The following FILIP1L variants were observed in gnomAD, a reference collection of about 807,000 sequenced individuals.
FILIP1L encodes the protein filamin A-interacting protein 1-like.
A neutral mutation model predicts 96.6 loss-of-function variants in FILIP1L; 55 were observed. The ratio of observed to expected loss-of-function variants is 0.57; its 90% CI spans 0.46 to 0.71. The LOEUF is 0.71. Ranked by LOEUF, FILIP1L falls within the 30% of genes least tolerant of loss-of-function variation. The pLI is 0.00. For missense variants in FILIP1L, 1,304 were observed against 1,321.2 expected, an observed-to-expected ratio of 0.99 and a Z score of 0.20; for synonymous variants, 467 against 473.9, an observed-to-expected ratio of 0.99 and a Z score of 0.19.
intron 1 of FILIP1L, among the ~76,000 whole-genome samples, chr3:100,073,609 A>C (rs2065797783): frequency 6.6e-6 from 1 of 152,190 alleles, no homozygotes; most frequent in East Asian, 1.9e-4. Flanking sequence ...TTCATTTAGC[A>C]CATTTTGTTA....
chr3:100,098,086 T>C (rs1468927443), intron 1 of FILIP1L, among the ~76,000 whole-genome samples: 1 of 152,204 alleles, frequency 6.6e-6, no homozygotes, highest in African/African-American at 2.4e-5. Context: ...AGGGACTACT[T>C]TGACTCTTGG....
chr3:100,037,965 AGGG>A (rs75392288), intron 1 of FILIP1L, among the ~76,000 whole-genome samples: 72,254 of 98,898 alleles, frequency 0.73, 26,207 homozygotes, highest in East Asian at 0.82. Context: ...TTGGGGGGGG[AGGG>A]AACAGAGTCT....
In FILIP1L at chr3:99,849,217, C is replaced by T. The variant is rs201546638; in HGVS notation, c.2459G>A (p.Arg820His). The change falls in exon 5 of 6, where the codon CGT (arginine) becomes CAT (histidine). Residue 820 changes from arginine (R) to histidine (H), a missense_variant. By Grantham distance (29) the Arg-to-His change is conservative (BLOSUM62 0). Transcript: ENST00000477258. ...PDYKSLIPLE[R>H]AVINGQLYEE... ...ATATAACTGACCATTGATGACTGCACGTTCCAGAGGAATGAGGCTCTTGTA... is the reference window on the plus strand; with the variant it reads ...ATATAACTGACCATTGATGACTGCATGTTCCAGAGGAATGAGGCTCTTGTA... 1.3e-5 allele frequency: 21 copies of T among 1,613,988 alleles called. No homozygotes were observed. The highest frequency in any genetic ancestry group is 5.3e-5 in the African/African-American group (4 of 74,914).
At chr3:100,079,420 T>A (rs1051858958) in intron 1 of FILIP1L, among the ~76,000 whole-genome samples, 7 of 152,268 alleles carry the variant, frequency 4.6e-5, no homozygotes, top group Non-Finnish European at 1.0e-4. Context: ...GTACGAATAT[T>A]GCATTTGAAC....
intron 5 of FILIP1L, 26 bp downstream of exon 5, chr3:99,848,269 C>T (rs781184828): frequency 8.1e-5 from 130 of 1,611,128 alleles, no homozygotes; most frequent in Non-Finnish European, 9.8e-5. Context: ...TGAGGGTGAG[C>T]GTGGTCAGTT....
chr3:100,039,528 T>TA (rs1348355528), intron 1 of FILIP1L, among the ~76,000 whole-genome samples: 1 of 152,158 alleles, frequency 6.6e-6, no homozygotes, highest in East Asian at 1.9e-4. Flanking sequence ...TTCAGTCTTA[T>TA]AATATGCGGG....
In FILIP1L at chr3:100,109,912, C is replaced by G. The variant is rs567090151; in HGVS notation, c.-11+4141G>C. 39 of 124,532 alleles carry G rather than the reference C, an allele frequency of 3.1e-4. No individual in the cohort carries two copies. In the East Asian group the frequency reaches 3.4e-3, roughly 11 times the overall value. 7.7% of individuals were successfully genotyped at this position (124,532 alleles called of 1,614,324 possible). On this transcript the variant is annotated intron_variant, in intron 1 of 5. Transcript: ENST00000477258. ...AAATGTTTCTTTTATGACCCCCCCCCCCCAGCACCACCCCCCAGCCAAAGA... is the reference window on the plus strand; with the variant it reads ...AAATGTTTCTTTTATGACCCCCCCCGCCCAGCACCACCCCCCAGCCAAAGA...
At chr3:99,978,877 T>A (rs1419977954) in intron 1 of FILIP1L, among the ~76,000 whole-genome samples, 1 of 151,636 alleles carries the variant, frequency 6.6e-6, no homozygotes, top group Non-Finnish European at 1.5e-5. Flanking sequence ...AGAGCGAGAC[T>A]CTTGTTTACA....
Position 99,992,012 on chromosome 3 carries a change from GTA to G in FILIP1L, c.-10-60984_-10-60983del, listed in dbSNP as rs550439833. On this transcript the variant is annotated intron_variant, in intron 1 of 5. Coordinates refer to ENST00000477258, the MANE Select transcript of FILIP1L (RefSeq NM_001387850.1). ...TATATACGTATATATATGTGTGTGTGTATATATATATATACGTGTATATATAT... is the reference window on the plus strand; with the variant it reads ...TATATACGTATATATATGTGTGTGTGTATATATATATACGTGTATATATAT... Among the ~76,000 whole-genome samples, 119 of 145,494 alleles carry G rather than the reference GTA, an allele frequency of 8.2e-4. 1 individual carries two copies. The highest frequency in any genetic ancestry group is 1.7e-3 in the Admixed American group (25 of 14,544).
rs540669439 is a variant in FILIP1L, at chr3:99,916,993, C to A, written c.605+7237G>T. ...ATTTTCACTTATGAGGCAAAAATTTCTATTTTGATATGGTTTAGTGGCTCT... is the reference window on the plus strand; with the variant it reads ...ATTTTCACTTATGAGGCAAAAATTTATATTTTGATATGGTTTAGTGGCTCT... On this transcript the variant is annotated intron_variant, in intron 4 of 5. Coordinates refer to ENST00000477258, the MANE Select transcript of FILIP1L (RefSeq NM_001387850.1). Among the ~76,000 whole-genome samples the A allele has an allele frequency of 3.3e-5, 5 of 152,282 alleles. No homozygotes were observed. In the East Asian group the frequency reaches 7.7e-4, roughly 23 times the overall value.
intron 1 of FILIP1L, among the ~76,000 whole-genome samples, chr3:100,063,211 C>G (rs887617973): frequency 6.6e-6 from 1 of 152,174 alleles, no homozygotes; most frequent in Non-Finnish European, 1.5e-5. Context: ...CCTAGAACTT[C>G]ACCTCTGGCT....
Position 100,093,595 on chromosome 3 carries a change from G to A in FILIP1L, c.-11+20458C>T, listed in dbSNP as rs142567354. Among the ~76,000 whole-genome samples the A allele has an allele frequency of 3.9e-3, 601 of 152,228 alleles. 3 individuals are homozygous for A. Among genetic ancestry groups the A allele is most frequent in the African/African-American group, 0.013 (558 of 41,544 alleles). ...TCCAATGGTAACATCTTACAGAACTGTAGTGGAATGTCACAACCAGTATAT... is the reference window on the plus strand; with the variant it reads ...TCCAATGGTAACATCTTACAGAACTATAGTGGAATGTCACAACCAGTATAT... On this transcript the variant is annotated intron_variant, in intron 1 of 5. Coordinates refer to ENST00000477258, the MANE Select transcript of FILIP1L (RefSeq NM_001387850.1).
At chr3:99,930,548 G>A (rs768612577) in intron 2 of FILIP1L, among the ~76,000 whole-genome samples, 6 of 152,194 alleles carry the variant, frequency 3.9e-5, no homozygotes, top group Admixed American at 3.3e-4. Flanking sequence ...GACCTTTCAC[G>A]ACCTGTATGC....
At chr3:100,054,711 G>C (rs1224401133) in intron 1 of FILIP1L, among the ~76,000 whole-genome samples, 1 of 152,092 alleles carries the variant, frequency 6.6e-6, no homozygotes, top group Non-Finnish European at 1.5e-5. Context: ...CCTCTGGGCT[G>C]CACTGTCTTT....
chr3:100,068,921 G>T (rs1345413547), intron 1 of FILIP1L, among the ~76,000 whole-genome samples: 1 of 152,184 alleles, frequency 6.6e-6, no homozygotes, highest in Non-Finnish European at 1.5e-5. Context: ...AGAAAGTTCA[G>T]CTTGCTCTCA....
At chr3:100,041,982 T>G (rs1187521094) in intron 1 of FILIP1L, among the ~76,000 whole-genome samples, 1 of 152,214 alleles carries the variant, frequency 6.6e-6, no homozygotes, top group African/African-American at 2.4e-5. Flanking sequence ...TCCTTCCTCT[T>G]TCTTCAGCTA....
chr3:100,052,734 G>A (rs922791390), intron 1 of FILIP1L, among the ~76,000 whole-genome samples: 1 of 152,082 alleles, frequency 6.6e-6, no homozygotes. Context: ...AAGGTGGAAG[G>A]TACCTTCCCC....
At chr3:100,064,963 T>C (rs1170311186) in intron 1 of FILIP1L, among the ~76,000 whole-genome samples, 2 of 152,180 alleles carry the variant, frequency 1.3e-5, no homozygotes, top group Non-Finnish European at 2.9e-5. Flanking sequence ...TAACATATGT[T>C]AAACACACAC....
chr3:100,061,403 G>A (rs1481922300), intron 1 of FILIP1L, among the ~76,000 whole-genome samples: 1 of 152,156 alleles, frequency 6.6e-6, no homozygotes, highest in Non-Finnish European at 1.5e-5. Flanking sequence ...TTAAATGTTT[G>A]GCTGATGTAG....
Sources: allele counts gnomAD v4.1 joint callset (sites outside exome capture counted in the v4.1 genomes callset), GRCh38; gene constraint gnomAD v4.1.1; transcripts MANE v1.5; gene names NCBI Gene and HGNC (gene_info 2026-07-23, HGNC 2026-07-21).